Variants in SLC15A4 observed in about 807,000 individuals in gnomAD.
The protein encoded by SLC15A4 is hPHT1.
In SLC15A4, 26 loss-of-function variants were observed where a neutral mutation model predicts 46.1. That is an observed-to-expected ratio of 0.56 (90% CI 0.41 to 0.78). The LOEUF is 0.78. SLC15A4 is among the 30% of genes least tolerant of loss of function. The probability of loss-of-function intolerance (pLI) is 0.00; values close to 1 mark genes in which losing one functional copy is unlikely to be tolerated. For synonymous variants in SLC15A4, 370 were observed against 333.4 expected (o/e 1.11, Z -1.20); for missense variants, 751 against 755.7 (o/e 0.99, Z 0.07).
chr12:128,823,458 C>T lies in SLC15A4; in HGVS notation c.486G>A (p.Val162=). The change falls in exon 1 of 8, where the codon GTG becomes GTA. Residue 162 remains valine, a synonymous_variant. Transcript: ENST00000266771. ...CGGTGGCCACGCCCAGGCCCACCAG[C>T]ACCAGCCCCGCGAAGGTGGCCGGTG... is the stretch of plus-strand genomic sequence containing the variant. ...CCSPATFAGL[V]LVGLGVATVK... is the part of the protein sequence containing the mutation. The T allele has an allele frequency of 6.8e-7, 1 of 1,480,012 alleles. No homozygotes were observed. The allele number at this position is 1,480,012 out of a possible 1,614,324, so 91.7% of individuals were successfully genotyped here. A position where few individuals can be genotyped will look rare whatever the true frequency, so the allele number is the denominator to read the frequency against.
At chr12:128,803,842 T>C (rs1531930) in intron 5 of SLC15A4, among the ~76,000 whole-genome samples, 151,016 of 152,326 alleles carry the variant, frequency 0.99, 74,873 homozygotes, top group East Asian at 1. Context: ...CACGACGAAT[T>C]GGACAGACAC....
chr12:128,796,257 C>T (rs1358168709), intron 7 of SLC15A4, among the ~76,000 whole-genome samples: 2 of 151,996 alleles, frequency 1.3e-5, no homozygotes, highest in African/African-American at 4.8e-5. Context: ...AACCCCGTCT[C>T]TACTAAAAAT....
intron 6 of SLC15A4, among the ~76,000 whole-genome samples, chr12:128,799,994 AC>A (rs1199091878): frequency 6.6e-6 from 1 of 152,088 alleles, no homozygotes. Flanking sequence ...GGTGCGTGCC[AC>A]CATGCCTGGC....
chr12:128,801,207 A>G (rs971937889), intron 5 of SLC15A4, 198 bp from the exon 6 acceptor site: 2 of 490,332 alleles, frequency 4.1e-6, no homozygotes, highest in Non-Finnish European at 7.2e-6. Context: ...AGGTCATGGC[A>G]TAGCACACCT....
chr12:128,802,009 T>G (rs1229069271), intron 5 of SLC15A4, among the ~76,000 whole-genome samples: 1 of 152,046 alleles, frequency 6.6e-6, no homozygotes, highest in Non-Finnish European at 1.5e-5. Context: ...CCAAGCAAAG[T>G]GAAAACATTC....
intron 5 of SLC15A4, among the ~76,000 whole-genome samples, chr12:128,802,429 C>T (rs1364157654): frequency 2.0e-5 from 3 of 152,138 alleles, no homozygotes; most frequent in Non-Finnish European, 4.4e-5. Flanking sequence ...GGGACCATAG[C>T]TGACTACACT....
intron 5 of SLC15A4, among the ~76,000 whole-genome samples, chr12:128,808,144 C>T (rs1447263479): frequency 4.6e-5 from 7 of 152,152 alleles, no homozygotes; most frequent in Non-Finnish European, 2.9e-5. Flanking sequence ...CAATACCCAG[C>T]TTTATCAGCA....
intron 7 of SLC15A4, among the ~76,000 whole-genome samples, chr12:128,797,067 T>C (rs1955454222): frequency 6.6e-6 from 1 of 151,876 alleles, no homozygotes; most frequent in Non-Finnish European, 1.5e-5. Flanking sequence ...GAAGGATAAT[T>C]ACACAGGAAG....
At chr12:128,810,186 GGAGGTAA>G in intron 2 of SLC15A4, 75 bp from the exon 3 acceptor site, 1 of 1,495,470 alleles carries the variant, frequency 6.7e-7, no homozygotes, top group Non-Finnish European at 9.1e-7. Context: ...AATTAAGTTT[GGAGGTAA>G]GAAACCAGCT....
In SLC15A4 at chr12:128,794,254, T is replaced by A. The variant is rs1955419746; in HGVS notation, c.1676A>T (p.His559Leu). ...TCTTGATCGCTGATGGTCTCGATGA[T>A]GGTCATATTTCACAGAAATAATGAG... ...LFLIISVKYDHHRDHQRSRAN... is the reference protein window; with the variant it reads ...LFLIISVKYDLHRDHQRSRAN... Residue 559 changes from histidine (H) to leucine (L), a missense_variant, in exon 8 of 8, where the codon CAT (histidine) becomes CTT (leucine). By Grantham distance (99) the His-to-Leu change is moderately conservative. Coordinates refer to ENST00000266771, the MANE Select transcript of SLC15A4 (RefSeq NM_145648.4). 1 of 1,614,006 alleles carries A rather than the reference T, an allele frequency of 6.2e-7. No individual in the cohort carries two copies. The highest frequency in any genetic ancestry group is 8.5e-7 in the Non-Finnish European group (1 of 1,179,938).
chr12:128,816,206 GA>G (rs1323979832), intron 1 of SLC15A4, among the ~76,000 whole-genome samples: 3 of 152,152 alleles, frequency 2.0e-5, no homozygotes, highest in African/African-American at 7.2e-5. Flanking sequence ...CAAGCGGTGG[GA>G]ACAGGTCATT....
chr12:128,814,635 G>A, intron 2 of SLC15A4, 140 bp downstream of exon 2: 1 of 836,808 alleles, frequency 1.2e-6, no homozygotes, highest in Admixed American at 2.6e-5. Flanking sequence ...GGGAAATGCA[G>A]TGTTAAAGGA....
chr12:128,795,208 G>T (rs531984755), intron 7 of SLC15A4, among the ~76,000 whole-genome samples: 1 of 152,024 alleles, frequency 6.6e-6, no homozygotes, highest in East Asian at 1.9e-4. Context: ...CACCAGGGCC[G>T]ACAGCTGGGC....
intron 5 of SLC15A4, among the ~76,000 whole-genome samples, chr12:128,803,994 T>G (rs1333486479): frequency 6.6e-6 from 1 of 152,200 alleles, no homozygotes; most frequent in East Asian, 1.9e-4. Context: ...GACCATGCAC[T>G]CATCCCCATG....
At chr12:128,800,832 C>A in intron 6 of SLC15A4, 22 bp downstream of exon 6, 1 of 1,597,802 alleles carries the variant, frequency 6.3e-7, no homozygotes, top group South Asian at 1.1e-5. Flanking sequence ...ACTCAGACAC[C>A]TCCGGCACTA....
intron 1 of SLC15A4, among the ~76,000 whole-genome samples, chr12:128,816,657 C>G (rs1955755023): frequency 6.6e-6 from 1 of 152,054 alleles, no homozygotes; most frequent in African/African-American, 2.4e-5. Flanking sequence ...CAGACAGACC[C>G]CCATCTCTAC....
Position 128,797,169 on chromosome 12 carries a change from C to T in SLC15A4, c.1573+2090G>A, listed in dbSNP as rs551633581. 2.2e-3 allele frequency among the ~76,000 whole-genome samples: 336 copies of T among 152,216 alleles called. 1 individual carries two copies. Among genetic ancestry groups the T allele is most frequent in the Admixed American group, 4.5e-3 (69 of 15,292 alleles). ...CCGCCCCCCAGGCTCACAGGCAGGG[C>T]AGGTATTCACAACAGCCCCACACTG... On this transcript the variant is annotated intron_variant, in intron 7 of 7. Transcript: ENST00000266771.
intron 6 of SLC15A4, among the ~76,000 whole-genome samples, chr12:128,800,254 T>G (rs958975354): frequency 2.6e-5 from 4 of 152,344 alleles, no homozygotes; most frequent in African/African-American, 9.6e-5. Context: ...TTGTGATTTA[T>G]TCCCTTTACA....
intron 5 of SLC15A4, among the ~76,000 whole-genome samples, 164 bp downstream of exon 5, chr12:128,808,624 C>A (rs561671248): frequency 1.1e-4 from 17 of 152,260 alleles, no homozygotes; most frequent in African/African-American, 4.1e-4. Context: ...TAATCTTAAA[C>A]TTTAAAATAA....
Sources: allele counts gnomAD v4.1 joint callset (sites outside exome capture counted in the v4.1 genomes callset), GRCh38; gene constraint gnomAD v4.1.1; transcripts MANE v1.5; gene names NCBI Gene and HGNC (gene_info 2026-07-23, HGNC 2026-07-21).